The following POLA2 variants were observed in gnomAD, a reference collection of about 807,000 sequenced individuals.
POLA2 encodes the protein DNA polymerase alpha 2, accessory subunit.
A neutral mutation model predicts 82.8 loss-of-function variants in POLA2; 47 were observed. That is an observed-to-expected ratio of 0.57 (90% CI 0.45 to 0.72). The LOEUF is 0.72. Ranked by LOEUF, POLA2 falls within the 30% of genes least tolerant of loss-of-function variation. POLA2 has a pLI of 0.00. For synonymous variants in POLA2, 287 were observed against 286.8 expected (o/e 1.00, Z -0.01); for missense variants, 634 against 728.1 (o/e 0.87, Z 1.49).
At chr11:65,296,220 A>G in intron 17 of POLA2, 1 of 474,392 alleles carries the variant, frequency 2.1e-6, no homozygotes, top group Non-Finnish European at 3.9e-6. Flanking sequence ...CAAGAGAACG[A>G]GAGCCCAGAT....
intron 8 of POLA2, among the ~76,000 whole-genome samples, chr11:65,304,572 G>A (rs1419118343): frequency 6.6e-6 from 1 of 152,204 alleles, no homozygotes; most frequent in Non-Finnish European, 1.5e-5. Flanking sequence ...AGAGGTCCAT[G>A]GTCCAGAGTT....
At chr11:65,266,467 C>A in intron 1 of POLA2, 115 bp from the exon 2 acceptor site, 1 of 1,047,710 alleles carries the variant, frequency 9.5e-7, no homozygotes. Context: ...CAGTGCCTGG[C>A]ACTAATAGAT....
rs1949633746 is a variant in POLA2 at position 65,280,972 on chromosome 11, C to T, written c.745-20C>T. On this transcript the variant is annotated intron_variant, in intron 7 of 17. Transcript: ENST00000265465. ...TGCTCCAAAGACTGTCATTCTTATGCTGTGACCTTCCTTTGGTAGGAGCCT... is the reference window on the plus strand; with the variant it reads ...TGCTCCAAAGACTGTCATTCTTATGTTGTGACCTTCCTTTGGTAGGAGCCT... The T allele has an allele frequency of 1.2e-6, 2 of 1,612,066 alleles. No individual in the cohort carries two copies. Among genetic ancestry groups the T allele is most frequent in the East Asian group, 4.5e-5 (2 of 44,880 alleles).
chr11:65,277,593 A>G (rs1019617277), intron 5 of POLA2, among the ~76,000 whole-genome samples: 6 of 152,200 alleles, frequency 3.9e-5, no homozygotes, highest in African/African-American at 1.2e-4. Context: ...GCAACCTGGT[A>G]TGTAGGGATG....
chr11:65,300,782 A>G (rs1411834518), downstream of POLA2, among the ~76,000 whole-genome samples: 1 of 152,088 alleles, frequency 6.6e-6, no homozygotes. Flanking sequence ...GGGTTTCACC[A>G]TGTTGCCCAG....
chr11:65,286,288 G>T (rs959063424), intron 10 of POLA2, among the ~76,000 whole-genome samples: 2 of 152,178 alleles, frequency 1.3e-5, no homozygotes, highest in African/African-American at 4.8e-5. Flanking sequence ...AGCTGGAAAA[G>T]GCAAGGAAAT....
rs547474910 is a variant in POLA2, at chr11:65,263,220, C to CTTT, written c.79+868_79+870dup. On this transcript the variant is annotated intron_variant, in intron 1 of 17. Transcript: ENST00000265465. Reference sequence around the variant, plus strand: ...CATGCCCAGTGCCTTCTCTCTCTCTCTTTTTTTTTTTTTTTTTTTTTGACA... The same window carrying CTTT: ...CATGCCCAGTGCCTTCTCTCTCTCTCTTTTTTTTTTTTTTTTTTTTTTTTGACA... 8.8e-3 allele frequency among the ~76,000 whole-genome samples: 1,087 copies of CTTT among 123,166 alleles called. 23 individuals carry two copies. Among genetic ancestry groups the CTTT allele is most frequent in the African/African-American group, 0.026 (797 of 30,962 alleles). The allele number at this position is 123,166 out of a possible 152,430, so 80.8% of individuals were successfully genotyped here. A position where few individuals can be genotyped will look rare whatever the true frequency, so the allele number is the denominator to read the frequency against.
rs745467476 is a variant in POLA2, at chr11:65,262,351, A to G, written c.59A>G (p.Glu20Gly). Residue 20 changes from glutamate to glycine, a missense_variant, in exon 1 of 18, where the codon GAG becomes GGG. By Grantham distance (98) the Glu-to-Gly change is moderately conservative (BLOSUM62 -2). Transcript: ENST00000265465. ...CTGCAGATCTTCGGCCTAGACTGCG[A>G]GGAGGCTCTAATTGAGAAATGTGAG... The part of the protein sequence containing the change: ...EELQIFGLDC[E>G]EALIEKLVEL... 3.1e-6 allele frequency: 5 copies of G among 1,613,766 alleles called. No homozygotes were observed. The highest frequency in any genetic ancestry group is 1.1e-5 in the South Asian group (1 of 91,010).
At chr11:65,294,481 C>G in intron 14 of POLA2, 65 bp from the exon 15 acceptor site, 1 of 1,426,486 alleles carries the variant, frequency 7.0e-7, no homozygotes, top group Non-Finnish European at 9.8e-7. Context: ...ACAACCCCCA[C>G]TTTCATGGGA....
At chr11:65,281,256 G>A (rs954680091) in intron 8 of POLA2, 109 bp downstream of exon 8, 3 of 1,165,584 alleles carry the variant, frequency 2.6e-6, no homozygotes, top group African/African-American at 1.5e-5. Context: ...CTGCCATGGG[G>A]TGCAGCTGGA....
intron 4 of POLA2, among the ~76,000 whole-genome samples, chr11:65,274,250 G>A (rs1425797394): frequency 6.6e-6 from 1 of 151,990 alleles, no homozygotes; most frequent in African/African-American, 2.4e-5. Flanking sequence ...TACTCAAGAG[G>A]CTGAGGCCAG....
rs771824507 is a variant in POLA2, at chr11:65,278,693, G to T, written c.462-37G>T. 1.4e-5 allele frequency: 21 copies of T among 1,531,128 alleles called. No individual in the cohort carries two copies. The South Asian group carries it at 2.2e-4, about 16-fold the overall frequency. The allele number at this position is 1,531,128 out of a possible 1,614,324, so 94.8% of individuals were successfully genotyped here. ...TTTATTCTTCTCTCCCTTTAGATAT[G>T]AACACAGTAATATTAACCTGTTTTG... is the stretch of plus-strand genomic sequence containing the variant. On this transcript the variant is annotated intron_variant, in intron 5 of 17. Coordinates refer to ENST00000265465, the MANE Select transcript of POLA2 (RefSeq NM_002689.4).
intron 10 of POLA2, 198 bp from the exon 11 acceptor site, chr11:65,287,514 ACCTG>A (rs1949709442): frequency 2.5e-6 from 1 of 397,804 alleles, no homozygotes; most frequent in Non-Finnish European, 4.5e-6. Context: ...GTATTCGTGT[ACCTG>A]CCTGTCTCTG....
chr11:65,271,715 T>G (rs1032853504), intron 4 of POLA2, among the ~76,000 whole-genome samples: 2 of 151,490 alleles, frequency 1.3e-5, no homozygotes, highest in African/African-American at 4.9e-5. Context: ...TGGTGGTGCC[T>G]ATAATCCCAG....
intron 1 of POLA2, among the ~76,000 whole-genome samples, chr11:65,264,536 C>A (rs185568928): frequency 1.5e-3 from 228 of 152,286 alleles, no homozygotes; most frequent in Non-Finnish European, 3.0e-3. Flanking sequence ...TTGTTTTCCA[C>A]CTTCTCCTGT....
chr11:65,282,816 ATT>A (rs758223371), intron 10 of POLA2, among the ~76,000 whole-genome samples: 11 of 152,194 alleles, frequency 7.2e-5, no homozygotes, highest in Non-Finnish European at 1.5e-4. Flanking sequence ...AAGATGTACG[ATT>A]TCAAAAAGAA....
chr11:65,275,369 A>G (rs1590896636), intron 4 of POLA2, among the ~76,000 whole-genome samples: 1 of 144,388 alleles, frequency 6.9e-6, no homozygotes, highest in East Asian at 1.9e-4. Flanking sequence ...GATGAGTCAA[A>G]AAAAAAAAAA....
intron 10 of POLA2, 134 bp downstream of exon 10, chr11:65,282,655 C>T (rs1276075852): frequency 2.7e-6 from 2 of 751,510 alleles, no homozygotes; most frequent in African/African-American, 3.5e-5. Flanking sequence ...AGGGCGCCAC[C>T]ATCATGAGTT....
chr11:65,285,369 C>A (rs1376815771), intron 10 of POLA2, among the ~76,000 whole-genome samples: 1 of 151,788 alleles, frequency 6.6e-6, no homozygotes, highest in Non-Finnish European at 1.5e-5. Context: ...CGCCAATGAA[C>A]TCCAGCCTGG....
Sources: gnomAD v4.1 joint callset for allele counts (sites outside exome capture counted in the v4.1 genomes callset) on GRCh38, gnomAD v4.1.1 for gene constraint, MANE v1.5 for transcripts, NCBI Gene and HGNC (gene_info 2026-07-23, HGNC 2026-07-21) for gene names.